FBXO11: variants seen among roughly 807,000 people sequenced by gnomAD.
FBXO11 encodes F-box only protein 11.
Under a neutral mutation model 117.0 loss-of-function variants are expected in FBXO11, and 13 were observed. The ratio of observed to expected loss-of-function variants is 0.11; its 90% CI spans 0.07 to 0.18. The LOEUF (loss-of-function observed/expected upper bound fraction) is 0.18. Among genes scored for constraint, FBXO11 ranks in the 10% least tolerant of loss-of-function variants. FBXO11 has a pLI of 1.00. For synonymous variants in FBXO11, 490 were observed against 380.5 expected (o/e 1.29, Z -3.35); for missense variants, 767 against 1,164.4 (o/e 0.66, Z 4.97).
chr2:47,859,269 G>A (rs1348958423), intron 1 of FBXO11, among the ~76,000 whole-genome samples: 1 of 151,846 alleles, frequency 6.6e-6, no homozygotes, highest in East Asian at 1.9e-4. Flanking sequence ...CTAATCTGAA[G>A]ATCATCCAGA....
Position 47,820,337 on chromosome 2 carries a change from T to C in FBXO11, c.1797+25A>G, listed in dbSNP as rs368193237. The C allele has an allele frequency of 5.1e-5, 81 of 1,581,472 alleles. No homozygotes were observed. In the African/African-American group the frequency reaches 7.2e-4, roughly 14 times the overall value. Reference sequence around the variant, plus strand: ...CCCCTGGTTTTGATGCATGAGTTTATAGGGAACTATATACATTAACTTACC... The same window carrying C: ...CCCCTGGTTTTGATGCATGAGTTTACAGGGAACTATATACATTAACTTACC... On this transcript the variant is annotated intron_variant, in intron 14 of 22. Coordinates refer to ENST00000403359, the MANE Select transcript of FBXO11 (RefSeq NM_001190274.2).
At chr2:47,856,227 A>C (rs762821723) in intron 1 of FBXO11, among the ~76,000 whole-genome samples, 5 of 152,236 alleles carry the variant, frequency 3.3e-5, no homozygotes, top group African/African-American at 1.2e-4. Context: ...CCAAACCACC[A>C]AACAAGCATA....
chr2:47,865,571 T>G (rs899365897), intron 1 of FBXO11, among the ~76,000 whole-genome samples: 2 of 152,212 alleles, frequency 1.3e-5, no homozygotes, highest in African/African-American at 4.8e-5. Context: ...CCTGTAGACT[T>G]TCATCACAAC....
At chr2:47,884,509 A>C (rs543174182) in intron 1 of FBXO11, among the ~76,000 whole-genome samples, 37 of 152,340 alleles carry the variant, frequency 2.4e-4, no homozygotes, top group African/African-American at 8.4e-4. Context: ...AGTTCACTGA[A>C]AACAGAGGTT....
At chr2:47,901,590 AATTTT>A (rs1213271961) in intron 1 of FBXO11, among the ~76,000 whole-genome samples, 3 of 152,204 alleles carry the variant, frequency 2.0e-5, no homozygotes, top group African/African-American at 4.8e-5. Context: ...CAAAGTAATT[AATTTT>A]ATTTTATTTA....
chr2:47,833,128 C>G (rs1434370126), intron 7 of FBXO11, 58 bp from the exon 8 acceptor site: 37 of 1,146,594 alleles, frequency 3.2e-5, no homozygotes, highest in Non-Finnish European at 4.7e-5. Flanking sequence ...AGATGGGTAT[C>G]TTTATGGAGG....
At position 47,813,397 on chromosome 2, in the gene FBXO11, GGTTATCTAGAAGGTATATTTCTTT is replaced by G. The variant is rs1328940955; in HGVS notation, c.2084-44_2084-21del. Reference sequence around the variant, plus strand: ...CTAGACCTATAAATGCAAAAATGTAGGTTATCTAGAAGGTATATTTCTTTTTAATTTTTTTTTTTTTTTTTTTTT... The same window carrying G: ...CTAGACCTATAAATGCAAAAATGTAGTTAATTTTTTTTTTTTTTTTTTTTT... On this transcript the variant is annotated intron_variant, in intron 17 of 22. Coordinates refer to ENST00000403359, the MANE Select transcript of FBXO11 (RefSeq NM_001190274.2). 7.6e-7 allele frequency: 1 copy of G among 1,316,408 alleles called. No homozygotes were observed. The highest frequency in any genetic ancestry group is 1.0e-6 in the Non-Finnish European group (1 of 960,462). The allele number at this position is 1,316,408 out of a possible 1,614,324, so 81.5% of individuals were successfully genotyped here.
intron 17 of FBXO11, among the ~76,000 whole-genome samples, 196 bp from the exon 18 acceptor site, chr2:47,813,573 A>G (rs780626881): frequency 1.3e-5 from 2 of 151,764 alleles, no homozygotes; most frequent in Non-Finnish European, 2.9e-5. Context: ...CTGGGAATAC[A>G]GGCGTGTGCC....
chr2:47,878,396 C>T (rs1676170375), intron 1 of FBXO11, among the ~76,000 whole-genome samples: 1 of 151,924 alleles, frequency 6.6e-6, no homozygotes, highest in Admixed American at 6.6e-5. Context: ...CTCACTCTGT[C>T]ACCCAGGCTG....
In FBXO11 at chr2:47,807,076, T is replaced by G; in HGVS notation, c.*1042A>C. On this transcript the variant is annotated 3_prime_UTR_variant, in exon 23 of 23. Coordinates refer to ENST00000403359, the MANE Select transcript of FBXO11 (RefSeq NM_001190274.2). ...GATGTTATGGTACATGCATACACTTTCAGGCTGTTTTATACCCACTGTCAC... is the reference window on the plus strand; with the variant it reads ...GATGTTATGGTACATGCATACACTTGCAGGCTGTTTTATACCCACTGTCAC... 1.8e-6 allele frequency: 1 copy of G among 550,628 alleles called. No homozygotes were observed. The highest frequency in any genetic ancestry group is 1.9e-5 in the African/African-American group (1 of 53,016). The allele number at this position is 550,628 out of a possible 1,614,324, so 34.1% of individuals were successfully genotyped here.
chr2:47,870,603 T>C (rs1163868941), intron 1 of FBXO11, among the ~76,000 whole-genome samples: 1 of 152,152 alleles, frequency 6.6e-6, no homozygotes, highest in African/African-American at 2.4e-5. Flanking sequence ...ACTACCATAA[T>C]CTACAAATAG....
intron 1 of FBXO11, among the ~76,000 whole-genome samples, chr2:47,845,564 T>C (rs1673345908): frequency 6.6e-6 from 1 of 152,124 alleles, no homozygotes; most frequent in African/African-American, 2.4e-5. Context: ...TTAAAAGAAA[T>C]CTCTAGTCAT....
intron 11 of FBXO11, among the ~76,000 whole-genome samples, chr2:47,825,221 TC>T (rs1671662184): frequency 6.6e-6 from 1 of 152,210 alleles, no homozygotes; most frequent in Non-Finnish European, 1.5e-5. Context: ...GACTTCATTT[TC>T]TAATAAAGAA....
intron 1 of FBXO11, among the ~76,000 whole-genome samples, chr2:47,878,298 C>T (rs1676162238): frequency 6.6e-6 from 1 of 152,100 alleles, no homozygotes; most frequent in Admixed American, 6.6e-5. Flanking sequence ...TTCCTGCCTG[C>T]AAAACAGATT....
intron 1 of FBXO11, among the ~76,000 whole-genome samples, chr2:47,874,122 G>A (rs568854411): frequency 1.3e-4 from 20 of 152,238 alleles, no homozygotes; most frequent in Admixed American, 2.6e-4. Context: ...GCTGAGGCAG[G>A]AGAATCGCTT....
rs139955362 is a variant in FBXO11 at position 47,893,299 on chromosome 2, G to C, written c.232+12190C>G. On this transcript the variant is annotated intron_variant, in intron 1 of 22. Transcript: ENST00000403359. ...GGTCTTGCAAACAGTCTACGGCTAA[G>C]GCTACATGAAACTTCAGTGTTTTAT... Among the ~76,000 whole-genome samples the C allele has an allele frequency of 5.8e-3, 880 of 152,098 alleles. 3 individuals carry two copies. The highest frequency in any genetic ancestry group is 9.9e-3 in the Non-Finnish European group (670 of 67,990).
intron 1 of FBXO11, among the ~76,000 whole-genome samples, chr2:47,887,753 T>A (rs1134355): frequency 6.6e-6 from 1 of 152,022 alleles, no homozygotes; most frequent in Non-Finnish European, 1.5e-5. Flanking sequence ...CCCAGCTACT[T>A]GGGGGACTGA....
At chr2:47,887,007 C>T (rs940528534) in intron 1 of FBXO11, among the ~76,000 whole-genome samples, 15 of 152,108 alleles carry the variant, frequency 9.9e-5, no homozygotes, top group Non-Finnish European at 8.8e-5. Flanking sequence ...AGCGACAGGG[C>T]AGACACCGTG....
intron 1 of FBXO11, among the ~76,000 whole-genome samples, chr2:47,878,280 G>C (rs1186194546): frequency 6.6e-6 from 1 of 152,126 alleles, no homozygotes; most frequent in Non-Finnish European, 1.5e-5. Flanking sequence ...CGACCTCTCA[G>C]AGGCATCTTC....
Sources: allele counts gnomAD v4.1 joint callset (sites outside exome capture counted in the v4.1 genomes callset), GRCh38; gene constraint gnomAD v4.1.1; transcripts MANE v1.5; gene names NCBI Gene and HGNC (gene_info 2026-07-23, HGNC 2026-07-21).